PTPRD: variants seen among roughly 807,000 people sequenced by gnomAD.
PTPRD encodes receptor-type tyrosine-protein phosphatase delta.
Under a neutral mutation model 214.5 loss-of-function variants are expected in PTPRD, and 34 were observed. That is an observed-to-expected ratio of 0.16 (90% confidence interval 0.12 to 0.21). The LOEUF (loss-of-function observed/expected upper bound fraction) is 0.21. PTPRD is among the 10% of genes least tolerant of loss of function. PTPRD has a pLI of 1.00. For missense variants in PTPRD, 2,545 were observed against 2,398.7 expected, an observed-to-expected ratio of 1.06 and a Z score of -1.27; for synonymous variants, 1,128 against 845.7, an observed-to-expected ratio of 1.33 and a Z score of -5.79.
intron 9 of PTPRD, among the ~76,000 whole-genome samples, chr9:9,290,176 T>C (rs1379679286): frequency 6.6e-6 from 1 of 151,762 alleles, no homozygotes; most frequent in Non-Finnish European, 1.5e-5. Context: ...TGATACCTCA[T>C]TGTGGTTTTG....
At chr9:9,076,101 T>A (rs188690005) in intron 10 of PTPRD, among the ~76,000 whole-genome samples, 33 of 152,326 alleles carry the variant, frequency 2.2e-4, no homozygotes, top group Admixed American at 6.5e-5. Context: ...GTGATCACCA[T>A]TCTAACTGGT....
intron 2 of PTPRD, among the ~76,000 whole-genome samples, chr9:10,508,663 G>A (rs1226514496): frequency 2.0e-5 from 3 of 152,088 alleles, no homozygotes; most frequent in Non-Finnish European, 4.4e-5. Context: ...GATGAAGCTA[G>A]AAACCATCAT....
intron 5 of PTPRD, among the ~76,000 whole-genome samples, chr9:9,875,229 G>C (rs534208662): frequency 6.6e-6 from 1 of 151,954 alleles, no homozygotes; most frequent in Admixed American, 6.6e-5. Context: ...TATCTTTTGA[G>C]ATCCTTTATG....
chr9:9,449,046 G>A (rs773119910), intron 8 of PTPRD, among the ~76,000 whole-genome samples: 1 of 152,026 alleles, frequency 6.6e-6, no homozygotes, highest in African/African-American at 2.4e-5. Flanking sequence ...TAATGAAATG[G>A]AAAAGAATGT....
intron 2 of PTPRD, among the ~76,000 whole-genome samples, chr9:10,446,058 G>A (rs899286324): frequency 3.3e-5 from 5 of 151,932 alleles, no homozygotes; most frequent in Admixed American, 3.3e-4. Context: ...TATCATTCCA[G>A]AGCGGGGAAG....
At chr9:8,666,673 A>G (rs766733902) in intron 12 of PTPRD, among the ~76,000 whole-genome samples, 1 of 152,208 alleles carries the variant, frequency 6.6e-6, no homozygotes, top group African/African-American at 2.4e-5. Context: ...GACTCATTTG[A>G]TAACAGGAGA....
intron 11 of PTPRD, among the ~76,000 whole-genome samples, chr9:8,893,434 A>G (rs905250748): frequency 1.3e-5 from 2 of 152,200 alleles, no homozygotes; most frequent in East Asian, 1.9e-4. Context: ...GTGACCAAGA[A>G]AGGACCATGA....
At chr9:9,663,821 T>A (rs2096664055) in intron 7 of PTPRD, among the ~76,000 whole-genome samples, 1 of 151,624 alleles carries the variant, frequency 6.6e-6, no homozygotes, top group Admixed American at 6.6e-5. Context: ...GCTGTAACAG[T>A]TGATTAATTT....
At chr9:8,448,900 T>C (rs1464124007) in intron 34 of PTPRD, among the ~76,000 whole-genome samples, 1 of 152,230 alleles carries the variant, frequency 6.6e-6, no homozygotes, top group Admixed American at 6.5e-5. Flanking sequence ...CAAAGACTTC[T>C]TAGATTAGCT....
At chr9:9,947,636 T>TGA (rs768092456) in intron 4 of PTPRD, among the ~76,000 whole-genome samples, 1 of 70,246 alleles carries the variant, frequency 1.4e-5, no homozygotes, top group East Asian at 5.4e-4. Flanking sequence ...AATATATATT[T>TGA]TATATATATA....
At chr9:8,955,852 A>G (rs1195741768) in intron 11 of PTPRD, among the ~76,000 whole-genome samples, 1 of 151,926 alleles carries the variant, frequency 6.6e-6, no homozygotes, top group Non-Finnish European at 1.5e-5. Flanking sequence ...AGAAGAAAAG[A>G]AACTCATGCG....
chr9:8,351,678 A>G (rs2075488815), intron 39 of PTPRD, among the ~76,000 whole-genome samples: 2 of 146,646 alleles, frequency 1.4e-5, no homozygotes, highest in South Asian at 4.4e-4. Flanking sequence ...GCTTTTAAAG[A>G]GTGGATATCA....
chr9:9,429,452 A>C (rs1012289605), intron 8 of PTPRD, among the ~76,000 whole-genome samples: 10 of 152,202 alleles, frequency 6.6e-5, no homozygotes, highest in African/African-American at 2.4e-4. Context: ...ATGGATTCAC[A>C]GCTGAATTCT....
chr9:10,163,784 T>G (rs1401889651), intron 3 of PTPRD, among the ~76,000 whole-genome samples: 1 of 151,528 alleles, frequency 6.6e-6, no homozygotes, highest in East Asian at 1.9e-4. Context: ...TGGATATTGC[T>G]ATTTTCATGC....
intron 4 of PTPRD, among the ~76,000 whole-genome samples, chr9:9,949,696 TAAC>T (rs201841179): frequency 5.9e-5 from 9 of 151,846 alleles, no homozygotes; most frequent in Admixed American, 3.3e-4. Context: ...ACAAACAAAC[TAAC>T]AACAACAACA....
At chr9:8,581,146 G>A (rs1428485419) in intron 14 of PTPRD, among the ~76,000 whole-genome samples, 3 of 151,820 alleles carry the variant, frequency 2.0e-5, no homozygotes, top group Admixed American at 1.3e-4. Flanking sequence ...AGAGAGTCAA[G>A]TTAAAGTAAC....
intron 3 of PTPRD, among the ~76,000 whole-genome samples, chr9:10,204,563 G>T (rs1413488087): frequency 6.6e-6 from 1 of 151,982 alleles, no homozygotes; most frequent in African/African-American, 2.4e-5. Context: ...TAAATACAAA[G>T]AACATATCAT....
At chr9:9,930,362 C>A (rs2086037892) in intron 5 of PTPRD, among the ~76,000 whole-genome samples, 1 of 152,134 alleles carries the variant, frequency 6.6e-6, no homozygotes, top group Non-Finnish European at 1.5e-5. Flanking sequence ...AAACCACAGT[C>A]TATGGGGAAG....
chr9:9,909,049 T>C (rs1213621826), intron 5 of PTPRD, among the ~76,000 whole-genome samples: 2 of 142,620 alleles, frequency 1.4e-5, no homozygotes, highest in African/African-American at 5.5e-5. Flanking sequence ...AGGATTTTTT[T>C]CACATATTTT....
Sources: gnomAD v4.1 joint callset for allele counts (sites outside exome capture counted in the v4.1 genomes callset) on GRCh38, gnomAD v4.1.1 for gene constraint, MANE v1.5 for transcripts, NCBI Gene and HGNC (gene_info 2026-07-23, HGNC 2026-07-21) for gene names.